Variants in LAMA5 observed in about 807,000 individuals in gnomAD.
LAMA5 encodes the protein laminin subunit alpha 5, also known as laminin subunit alpha-5.
Under a neutral mutation model 433.4 loss-of-function variants are expected in LAMA5, and 260 were observed. The observed-to-expected ratio is 0.60, with a 90% confidence interval of 0.54 to 0.66. The LOEUF is 0.66. LAMA5 is among the 30% of genes least tolerant of loss of function. The pLI is 0.00. For missense variants in LAMA5, 5,378 were observed against 5,258.5 expected, an observed-to-expected ratio of 1.02 and a Z score of -0.70; for synonymous variants, 2,620 against 2,226.6, an observed-to-expected ratio of 1.18 and a Z score of -4.97.
At position 62,319,572 on chromosome 20, in the gene LAMA5, A is replaced by T. The variant is rs994700587; in HGVS notation, c.6871+112T>A. The T allele has an allele frequency of 5.0e-5, 37 of 739,990 alleles. 1 individual carries two copies. Among genetic ancestry groups the T allele is most frequent in the Middle Eastern group, 3.8e-4 (1 of 2,644 alleles). The allele number at this position is 739,990 out of a possible 1,614,324, so 45.8% of individuals were successfully genotyped here. ...ACTCCAGAGGCGTCGTCTCCCATCT[A>T]AAAGACAGATCCTGCCTGTTCTTCC... On this transcript the variant is annotated intron_variant, in intron 51 of 79. Transcript: ENST00000252999.
chr20:62,345,905 C>A, intron 10 of LAMA5, 28 bp from the exon 11 acceptor site: 1 of 1,556,764 alleles, frequency 6.4e-7, no homozygotes, highest in South Asian at 1.2e-5. Flanking sequence ...GCATGTTGGC[C>A]AGGTCTGCTC....
At chr20:62,341,066 A>G (rs986214054) in intron 11 of LAMA5, among the ~76,000 whole-genome samples, 25 of 145,204 alleles carry the variant, frequency 1.7e-4, no homozygotes, top group South Asian at 6.6e-4. Flanking sequence ...AAATAAATAA[A>G]TAAATAAATA....
At position 62,311,971 on chromosome 20, in the gene LAMA5, C is replaced by G. The variant is rs763861244; in HGVS notation, c.9584G>C (p.Gly3195Ala). Residue 3195 changes from glycine to alanine, a missense_variant, in exon 70 of 80, where the codon GGC (glycine) becomes GCC (alanine). Coordinates refer to ENST00000252999, the MANE Select transcript of LAMA5 (RefSeq NM_005560.6). Reference sequence around the variant, plus strand: ...GTAATGGGGGGCACCATCGGCGAAGCCCGCTTGAGTTTTCACTTCAGTCCT... The same window carrying G: ...GTAATGGGGGGCACCATCGGCGAAGGCCGCTTGAGTTTTCACTTCAGTCCT... ...LLRTEVKTQA[G>A]FADGAPHYVA... The G allele has an allele frequency of 6.2e-7, 1 of 1,612,704 alleles. No homozygotes were observed. The highest frequency in any genetic ancestry group is 8.5e-7 in the Non-Finnish European group (1 of 1,179,900).
intron 43 of LAMA5, 47 bp from the exon 44 acceptor site, chr20:62,323,903 G>A: frequency 1.9e-6 from 3 of 1,542,650 alleles, no homozygotes; most frequent in Non-Finnish European, 8.8e-7. Flanking sequence ...GCAGTGCCCG[G>A]GCCCGGGCGA....
At chr20:62,322,204 G>A (rs1363990828) in intron 47 of LAMA5, 36 bp from the exon 48 acceptor site, 10 of 1,570,494 alleles carry the variant, frequency 6.4e-6, no homozygotes, top group African/African-American at 2.7e-5. Flanking sequence ...TGGCTGGCCT[G>A]GGACCTTGGA....
In LAMA5 at chr20:62,312,542, A is replaced by G; in HGVS notation, c.9228-10T>C. 6.3e-7 allele frequency: 1 copy of G among 1,599,370 alleles called. No individual in the cohort carries two copies. The highest frequency in any genetic ancestry group is 1.7e-5 in the Admixed American group (1 of 59,908). On this transcript the variant is annotated splice_polypyrimidine_tract_variant and intron_variant, in intron 67 of 79. Coordinates refer to ENST00000252999, the MANE Select transcript of LAMA5 (RefSeq NM_005560.6). ...GAAGAGCCGTCGCAGGCTGTGGGGA[A>G]GCGGGGATGCGGGTCAGGGCGCCAC...
chr20:62,328,177 G>C, intron 35 of LAMA5, 64 bp downstream of exon 35: 1 of 1,519,844 alleles, frequency 6.6e-7, no homozygotes, highest in African/African-American at 1.4e-5. Context: ...AGGACCCTCT[G>C]GCTAGAGGAA....
At chr20:62,366,920 G>T in intron 1 of LAMA5, 29 bp downstream of exon 1, 1 of 1,247,940 alleles carries the variant, frequency 8.0e-7, no homozygotes, top group South Asian at 3.9e-5. Flanking sequence ...GCCCCGGGAG[G>T]AAGCCCCACG....
Position 62,313,007 on chromosome 20 carries a change from G to C in LAMA5, c.8959C>G (p.Gln2987Glu). The change falls in exon 66 of 80, where the codon CAG becomes GAG. Residue 2987 changes from glutamine to glutamate, a missense_variant. Coordinates refer to ENST00000252999, the MANE Select transcript of LAMA5 (RefSeq NM_005560.6). ...GVLFFLKQQS[Q>E]FLCLAVQEGS... ...TCTTGCACGGCCAAGCACAGGAACT[G>C]GCTCTGCAGAAACAGGGCAGGGTTA... 6.3e-7 allele frequency: 1 copy of C among 1,583,018 alleles called. No homozygotes were observed. Among genetic ancestry groups the C allele is most frequent in the East Asian group, 2.2e-5 (1 of 44,492 alleles).
In LAMA5 at chr20:62,334,016, G is replaced by A; in HGVS notation, c.2763C>T (p.Asn921=). 6.2e-7 allele frequency: 1 copy of A among 1,612,926 alleles called. No individual in the cohort carries two copies. Among genetic ancestry groups the A allele is most frequent in the Non-Finnish European group, 8.5e-7 (1 of 1,179,822 alleles). The change falls in exon 23 of 80, where the codon AAC becomes AAT. Residue 921 remains asparagine, a synonymous_variant. Coordinates refer to ENST00000252999, the MANE Select transcript of LAMA5 (RefSeq NM_005560.6). ...GCCAGAAAAGGTCAGGGGAGGTCAG[G>A]TTCAGCCTGGCCACGATCCTGGGCT... ...PVQPRIVARL[N]LTSPDLFWLV... is the part of the protein sequence containing the mutation.
At position 62,345,877 on chromosome 20, in the gene LAMA5, G is replaced by A. The variant is rs373731313; in HGVS notation, c.1418C>T (p.Pro473Leu). The change falls in exon 11 of 80, where the codon CCG becomes CTG. Residue 473 changes from proline (P) to leucine (L), a missense_variant and splice_region_variant. Pro to Leu is a moderately conservative substitution (Grantham distance 98). Transcript: ENST00000252999. ...EGFTGFPSCY[P>L]TPSSSNDTRE... The stretch of plus-strand genomic sequence containing the variant: ...GGTGTCATTGGAGGACGAGGGCGTC[G>A]CTGAGGGGAAGAGACACGCATGTTG... The A allele has an allele frequency of 3.7e-5, 57 of 1,554,060 alleles. No homozygotes were observed. Among genetic ancestry groups the A allele is most frequent in the East Asian group, 1.2e-4 (5 of 41,266 alleles).
chr20:62,341,407 C>T (rs1982570112), intron 11 of LAMA5, among the ~76,000 whole-genome samples: 1 of 152,250 alleles, frequency 6.6e-6, no homozygotes, highest in African/African-American at 2.4e-5. Flanking sequence ...CTCAGGACTA[C>T]TGACAGTCCA....
At chr20:62,351,660 G>T (rs370100723) in intron 6 of LAMA5, 44 bp downstream of exon 6, 3 of 1,578,898 alleles carry the variant, frequency 1.9e-6, no homozygotes, top group African/African-American at 1.3e-5. Context: ...AGGGAGCTGG[G>T]GGGGGCCTCA....
intron 50 of LAMA5, 102 bp from the exon 51 acceptor site, chr20:62,319,897 A>G (rs1246524114): frequency 2.6e-6 from 2 of 777,132 alleles, no homozygotes; most frequent in Non-Finnish European, 4.2e-6. Flanking sequence ...CCCAGGGAAG[A>G]GGGGCCCCTT....
chr20:62,331,374 C>G (rs1367730972), intron 28 of LAMA5, among the ~76,000 whole-genome samples: 1 of 151,816 alleles, frequency 6.6e-6, no homozygotes, highest in Non-Finnish European at 1.5e-5. Context: ...ACTGCAAACC[C>G]AGGCGTCCGA....
intron 6 of LAMA5, among the ~76,000 whole-genome samples, chr20:62,348,673 A>T (rs1983738111): frequency 6.6e-6 from 1 of 152,180 alleles, no homozygotes; most frequent in Non-Finnish European, 1.5e-5. Context: ...ACACTATGGA[A>T]AACAGGCAGA....
At chr20:62,318,384 G>A (rs552390011) in intron 53 of LAMA5, 70 bp downstream of exon 53, 105 of 1,212,218 alleles carry the variant, frequency 8.7e-5, no homozygotes, top group African/African-American at 2.2e-4. Context: ...GGGAGGAGCC[G>A]GAGAGGAGAG....
At chr20:62,334,485 C>T in intron 21 of LAMA5, 37 bp downstream of exon 21, 2 of 1,532,278 alleles carry the variant, frequency 1.3e-6, no homozygotes, top group Non-Finnish European at 1.8e-6. Flanking sequence ...AGCTGCCTGC[C>T]CCGCTCCCCA....
At chr20:62,310,121 G>A (rs1205966655) in intron 77 of LAMA5, 40 bp from the exon 78 acceptor site, 1 of 1,611,284 alleles carries the variant, frequency 6.2e-7, no homozygotes. Flanking sequence ...ATGCCCCCGA[G>A]GTCACCAGAA....
Sources: allele counts gnomAD v4.1 joint callset (sites outside exome capture counted in the v4.1 genomes callset), GRCh38; gene constraint gnomAD v4.1.1; transcripts MANE v1.5; gene names NCBI Gene and HGNC (gene_info 2026-07-23, HGNC 2026-07-21).